Variants in GPM6B observed in about 807,000 individuals in gnomAD.
GPM6B encodes glycoprotein M6B, also known as neuronal membrane glycoprotein M6-b.
In GPM6B, 4 loss-of-function variants were observed where a neutral mutation model predicts 27.2. The observed-to-expected ratio is 0.15, with a 90% confidence interval of 0.07 to 0.34. The LOEUF is 0.34. Ranked by LOEUF, GPM6B falls within the 10% of genes least tolerant of loss-of-function variation. The pLI, the probability that GPM6B is intolerant of heterozygous loss-of-function variation, is 1.00. For synonymous variants in GPM6B, 124 were observed against 103.1 expected, an observed-to-expected ratio of 1.20 and a Z score of -1.23; for missense variants, 183 against 261.9, an observed-to-expected ratio of 0.70 and a Z score of 2.08.
At chrX:13,822,411 G>C (rs2049319630) in intron 1 of GPM6B, among the ~76,000 whole-genome samples, 1 of 110,334 alleles carries the variant, frequency 9.1e-6, no homozygotes, top group African/African-American at 3.3e-5. Flanking sequence ...TGTTGCCCAG[G>C]CTGGAGTACA....
At chrX:13,806,852 T>G (rs941229858) in intron 2 of GPM6B, among the ~76,000 whole-genome samples, 5 of 112,227 alleles carry the variant, frequency 4.5e-5, no homozygotes, top group African/African-American at 1.6e-4. Flanking sequence ...CCTTTATGTC[T>G]GCATTTTATG....
intron 1 of GPM6B, among the ~76,000 whole-genome samples, chrX:13,920,107 T>C (rs1198552214): frequency 9.3e-6 from 1 of 107,999 alleles, no homozygotes; most frequent in Non-Finnish European, 1.9e-5. Flanking sequence ...CTACTAAAAA[T>C]ACAAAACTAG....
intron 1 of GPM6B, among the ~76,000 whole-genome samples, chrX:13,854,812 A>T (rs1332235004): frequency 8.9e-6 from 1 of 111,969 alleles, no homozygotes; most frequent in Non-Finnish European, 1.9e-5. Flanking sequence ...GCTTTAAAAA[A>T]CCTAAATTCT....
intron 1 of GPM6B, among the ~76,000 whole-genome samples, chrX:13,855,955 A>G (rs2049775273): frequency 9.0e-6 from 1 of 111,409 alleles, no homozygotes; most frequent in Non-Finnish European, 1.9e-5. Flanking sequence ...ATGAGTGGGT[A>G]CAACTAGATG....
At chrX:13,916,124 G>A (rs150874612) in intron 1 of GPM6B, among the ~76,000 whole-genome samples, 11 of 111,761 alleles carry the variant, frequency 9.8e-5, no homozygotes, top group African/African-American at 3.3e-4. Context: ...GCCTCATGAG[G>A]CTAGAGCTAT....
chrX:13,895,103 G>C (rs1018838497), intron 1 of GPM6B, among the ~76,000 whole-genome samples: 10 of 111,160 alleles, frequency 9.0e-5, no homozygotes, highest in African/African-American at 3.3e-4. Context: ...GTGTCTACTG[G>C]GGCATCTCAG....
intron 2 of GPM6B, among the ~76,000 whole-genome samples, chrX:13,786,528 C>G (rs2048615844): frequency 9.0e-6 from 1 of 110,706 alleles, no homozygotes; most frequent in Non-Finnish European, 1.9e-5. Context: ...ATGCTTCCCC[C>G]CAGCCCAGTC....
intron 2 of GPM6B, among the ~76,000 whole-genome samples, chrX:13,788,732 T>C (rs896246110): frequency 2.7e-5 from 3 of 109,714 alleles, no homozygotes; most frequent in African/African-American, 1.0e-4. Flanking sequence ...CAAAGAAATA[T>C]CACAGCTCTC....
At position 13,921,581 on chromosome X, in the gene GPM6B, C is replaced by CTTTT. The variant is rs35264990; in HGVS notation, c.-198+16742_-198+16745dup. On this transcript the variant is annotated intron_variant, in intron 1 of 6. Coordinates refer to the GPM6B transcript ENST00000398361. ...TGCAACCACATTTATAACCCCCCCC[C>CTTTT]TTTTTTTTTTTTTAGACAGAGTCTT... is the stretch of plus-strand genomic sequence containing the variant. Among the ~76,000 whole-genome samples the CTTTT allele has an allele frequency of 1.6e-4, 15 of 92,820 alleles. 1 individual carries two copies. The highest frequency in any genetic ancestry group is 4.7e-4 in the Admixed American group (4 of 8,456). 80.6% of individuals were successfully genotyped at this position (92,820 alleles called of 115,157 possible).
Position 13,783,384 on chromosome X carries a change from C to A in GPM6B, c.506G>T (p.Gly169Val). ...ACTCACCATTCCACTGATGCATCGG[C>A]CACAAGCGGTTGTTTTAAACTCACC... ...LHGEFKTTAC[G>V]RCISGMFVFL... is the part of the protein sequence containing the mutation. Residue 169 changes from glycine (G) to valine (V), a missense_variant, in exon 4 of 8, where the codon GGC (glycine) becomes GTC (valine). By Grantham distance (109) the Gly-to-Val change is moderately radical. Transcript: ENST00000316715. 8.4e-7 allele frequency: 1 copy of A among 1,196,718 alleles called. No homozygotes were observed. Among genetic ancestry groups the A allele is most frequent in the Non-Finnish European group, 1.1e-6 (1 of 888,272 alleles).
intron 1 of GPM6B, among the ~76,000 whole-genome samples, chrX:13,903,773 G>T (rs889849558): frequency 1.3e-4 from 15 of 112,244 alleles, no homozygotes; most frequent in African/African-American, 4.2e-4. Context: ...CATGAGACGG[G>T]CCGGGGGTGA....
chrX:13,800,808 C>G (rs924497810), intron 2 of GPM6B, among the ~76,000 whole-genome samples: 3 of 110,419 alleles, frequency 2.7e-5, no homozygotes, highest in Admixed American at 9.7e-5. Context: ...ATTTCTGGGA[C>G]CCATCGCAGA....
At chrX:13,861,658 C>T (rs773630323) in intron 1 of GPM6B, among the ~76,000 whole-genome samples, 52 of 111,934 alleles carry the variant, frequency 4.6e-4, no homozygotes, top group Non-Finnish European at 8.8e-4. Flanking sequence ...GGATTCAATA[C>T]TGAACTTAAT....
chrX:13,931,073 A>C (rs893249567), intron 1 of GPM6B, among the ~76,000 whole-genome samples: 1 of 111,399 alleles, frequency 9.0e-6, no homozygotes, highest in Non-Finnish European at 1.9e-5. Flanking sequence ...AATCCCAGTT[A>C]CTTTGGAGGC....
At chrX:13,936,821 T>C (rs1487721086) in intron 1 of GPM6B, among the ~76,000 whole-genome samples, 1 of 112,521 alleles carries the variant, frequency 8.9e-6, no homozygotes, top group African/African-American at 3.2e-5. Context: ...TGTTTAAAAA[T>C]GAAGCCCACC....
intron 1 of GPM6B, among the ~76,000 whole-genome samples, chrX:13,862,274 G>A (rs1164041890): frequency 8.9e-6 from 1 of 111,867 alleles, no homozygotes; most frequent in Non-Finnish European, 1.9e-5. Context: ...AAGCAAGGTA[G>A]TCAAGACCCA....
intron 1 of GPM6B, chrX:13,889,360 C>G (rs889987770): frequency 4.5e-5 from 5 of 111,712 alleles, no homozygotes; most frequent in African/African-American, 1.6e-4. Context: ...ACCACCTACC[C>G]AACAAATATC....
intron 7 of GPM6B, 46 bp from the exon 8 acceptor site, chrX:13,773,076 G>A (rs771347533): frequency 1.8e-6 from 2 of 1,117,343 alleles, no homozygotes; most frequent in South Asian, 3.8e-5. Flanking sequence ...ATTGTGAGAA[G>A]GCAAAGCGAG....
intron 4 of GPM6B, among the ~76,000 whole-genome samples, chrX:13,780,198 A>C (rs973022249): frequency 2.7e-5 from 3 of 111,709 alleles, no homozygotes; most frequent in Non-Finnish European, 5.6e-5. Context: ...TAGAGGATCT[A>C]GAATTGGAGT....
Sources: allele counts gnomAD v4.1 joint callset (sites outside exome capture counted in the v4.1 genomes callset), GRCh38; gene constraint gnomAD v4.1.1; transcripts MANE v1.5; gene names NCBI Gene and HGNC (gene_info 2026-07-23, HGNC 2026-07-21).